Variants in TRMT9B observed in about 807,000 individuals in gnomAD.
The protein encoded by TRMT9B is tRNA methyltransferase 9B (putative), also known as probable tRNA methyltransferase 9B.
Under a neutral mutation model 11.5 loss-of-function variants are expected in TRMT9B, and 16 were observed. That is an observed-to-expected ratio of 1.39 (90% confidence interval 0.94 to 2.11). The LOEUF (loss-of-function observed/expected upper bound fraction) is 2.11, where lower values mean the gene tolerates loss of function less well. Among genes scored for constraint, TRMT9B ranks in the 30% most tolerant of loss-of-function variants. TRMT9B has a pLI of 0.00. For synonymous variants in TRMT9B, 274 were observed against 192.4 expected, an observed-to-expected ratio of 1.42 and a Z score of -3.51; for missense variants, 941 against 553.8, an observed-to-expected ratio of 1.70 and a Z score of -7.02.
chr8:12,988,897 C>G (rs1473633627), intron 1 of TRMT9B, among the ~76,000 whole-genome samples: 2 of 145,670 alleles, frequency 1.4e-5, no homozygotes, highest in Non-Finnish European at 3.1e-5. Flanking sequence ...TGTATCCATC[C>G]CAGAAGTAAA....
intron 1 of TRMT9B, among the ~76,000 whole-genome samples, chr8:12,975,428 A>C (rs1477829072): frequency 6.6e-6 from 1 of 152,114 alleles, no homozygotes. Context: ...GGAAAGAAAA[A>C]AAAAAGCTTT....
intron 2 of TRMT9B, among the ~76,000 whole-genome samples, chr8:12,996,178 T>A (rs780746174): frequency 4.4e-4 from 67 of 152,226 alleles, no homozygotes; most frequent in Non-Finnish European, 6.9e-4. Flanking sequence ...GTTGTGCTAC[T>A]TGGAAGCTGT....
chr8:12,976,895 C>G (rs1804545885), intron 1 of TRMT9B, among the ~76,000 whole-genome samples: 1 of 152,118 alleles, frequency 6.6e-6, no homozygotes, highest in Non-Finnish European at 1.5e-5. Context: ...CAACCCAGAC[C>G]TATCTGGGAG....
chr8:12,973,151 G>A (rs1237291978), intron 1 of TRMT9B, among the ~76,000 whole-genome samples: 6 of 152,262 alleles, frequency 3.9e-5, no homozygotes, highest in East Asian at 3.9e-4. Flanking sequence ...CGTGTTTGTG[G>A]CATGTGTCAG....
rs974586013 is a variant in TRMT9B, at chr8:13,028,183, G to A, written c.*6139G>A. The stretch of plus-strand genomic sequence containing the variant: ...CACATACTCTGTCCTCTTGTGGTGC[G>A]GGTCTTCCCCAGTTGATTATACACA... On this transcript the variant is annotated 3_prime_UTR_variant, in exon 5 of 5. Transcript: ENST00000524591. 1.2e-5 allele frequency: 2 copies of A among 167,024 alleles called. No homozygotes were observed. Among genetic ancestry groups the A allele is most frequent in the Non-Finnish European group, 1.5e-5 (1 of 68,122 alleles). 10.3% of individuals were successfully genotyped at this position (167,024 alleles called of 1,614,324 possible).
At position 13,028,014 on chromosome 8, in the gene TRMT9B, A is replaced by G. The variant is rs1330369012; in HGVS notation, c.*5970A>G. The G allele has an allele frequency of 6.0e-6, 1 of 167,010 alleles. No homozygotes were observed. The highest frequency in any genetic ancestry group is 1.5e-5 in the Non-Finnish European group (1 of 68,118). 10.3% of individuals were successfully genotyped at this position (167,010 alleles called of 1,614,324 possible). A position where few individuals can be genotyped will look rare whatever the true frequency, so the allele number is the denominator to read the frequency against. On this transcript the variant is annotated 3_prime_UTR_variant, in exon 5 of 5. Transcript: ENST00000524591. Reference sequence around the variant, plus strand: ...AAGGATTGAAATTGTATTGCAAATGAAAGAGCTCAGCATGAGAGCACAATC... The same window carrying G: ...AAGGATTGAAATTGTATTGCAAATGGAAGAGCTCAGCATGAGAGCACAATC...
At chr8:12,979,291 C>G (rs575813969) in intron 1 of TRMT9B, among the ~76,000 whole-genome samples, 7 of 152,208 alleles carry the variant, frequency 4.6e-5, no homozygotes, top group African/African-American at 1.7e-4. Flanking sequence ...GCTGTGAATT[C>G]AAGTAATTTG....
In TRMT9B at chr8:13,018,098, TA is replaced by T. The variant is rs372443756; in HGVS notation, c.329-2892del. On this transcript the variant is annotated intron_variant, in intron 4 of 4. Coordinates refer to ENST00000524591, the MANE Select transcript of TRMT9B (RefSeq NM_020844.3). Reference sequence around the variant, plus strand: ...ATAAATGAATAAATAAGGACTTTCTTAAAAAAAAAAAAAAAAAACTTGGCCA... The same window carrying T: ...ATAAATGAATAAATAAGGACTTTCTTAAAAAAAAAAAAAAAAACTTGGCCA... 5.3e-3 allele frequency among the ~76,000 whole-genome samples: 710 copies of T among 134,862 alleles called. 5 individuals are homozygous for T. The highest frequency in any genetic ancestry group is 0.018 in the African/African-American group (648 of 35,926). The allele number at this position is 134,862 out of a possible 152,430, so 88.5% of individuals were successfully genotyped here.
At chr8:12,954,090 G>C (rs1236142886) in intron 1 of TRMT9B, among the ~76,000 whole-genome samples, 2 of 152,190 alleles carry the variant, frequency 1.3e-5, no homozygotes, top group African/African-American at 4.8e-5. Context: ...AGAGTGATGT[G>C]AAATTGGGAA....
chr8:13,022,215 T>C lies in TRMT9B; in HGVS notation c.*171T>C, dbSNP rs1814079249. ...GTTTTCATTTTTGAATAAGCACAGA[T>C]TCTGGCATTGAAAGCACTTGACAAA... On this transcript the variant is annotated 3_prime_UTR_variant, in exon 5 of 5. Coordinates refer to ENST00000524591, the MANE Select transcript of TRMT9B (RefSeq NM_020844.3). The C allele has an allele frequency of 9.1e-6, 5 of 550,192 alleles. No individual in the cohort carries two copies. The highest frequency in any genetic ancestry group is 1.6e-5 in the Non-Finnish European group (5 of 310,756). The allele number at this position is 550,192 out of a possible 1,614,324, so 34.1% of individuals were successfully genotyped here.
At chr8:13,016,758 C>A (rs565729805) in intron 4 of TRMT9B, among the ~76,000 whole-genome samples, 9 of 151,048 alleles carry the variant, frequency 6.0e-5, no homozygotes, top group Non-Finnish European at 8.8e-5. Flanking sequence ...TTGCTCCTTC[C>A]CCCTTTCCCC....
At chr8:12,984,336 G>A (rs527995079) in intron 1 of TRMT9B, among the ~76,000 whole-genome samples, 2 of 152,308 alleles carry the variant, frequency 1.3e-5, no homozygotes, top group Admixed American at 1.3e-4. Context: ...AACCCCATGA[G>A]TGCCTCTTTG....
intron 4 of TRMT9B, 21 bp from the exon 5 acceptor site, chr8:13,020,987 A>G: frequency 2.0e-6 from 3 of 1,483,698 alleles, no homozygotes; most frequent in South Asian, 1.4e-5. Flanking sequence ...ACACACTGAG[A>G]TCTAGTTTTG....
At chr8:12,953,591 G>T (rs1800922981) in intron 1 of TRMT9B, among the ~76,000 whole-genome samples, 1 of 152,174 alleles carries the variant, frequency 6.6e-6, no homozygotes, top group Non-Finnish European at 1.5e-5. Context: ...GACCTCAAAT[G>T]ATCCACCCAC....
At chr8:12,970,484 G>T (rs1803446846) in intron 1 of TRMT9B, among the ~76,000 whole-genome samples, 1 of 152,122 alleles carries the variant, frequency 6.6e-6, no homozygotes, top group Non-Finnish European at 1.5e-5. Context: ...AGGGCCTCTT[G>T]GTAAACGTGG....
rs149384309 is a variant in TRMT9B at position 13,023,811 on chromosome 8, T to G, written c.*1767T>G. On this transcript the variant is annotated 3_prime_UTR_variant, in exon 5 of 5. Transcript: ENST00000524591. ...TAACTTAAAATAATGATGTTACTTT[T>G]GAACAAACTTAAAGAAATATTTTTA... The G allele has an allele frequency of 2.1e-3, 354 of 166,712 alleles. 1 individual carries two copies. Among genetic ancestry groups the G allele is most frequent in the African/African-American group, 8.0e-3 (332 of 41,572 alleles). 10.3% of individuals were successfully genotyped at this position (166,712 alleles called of 1,614,324 possible).
chr8:13,011,633 C>G (rs920699447), intron 3 of TRMT9B: 2 of 973,548 alleles, frequency 2.1e-6, no homozygotes, highest in African/African-American at 3.5e-5. Flanking sequence ...CATGTTACTA[C>G]CTACCTCAAT....
Position 12,983,256 on chromosome 8 carries a change from A to G in TRMT9B, c.-199-7578A>G, listed in dbSNP as rs897415556. Among the ~76,000 whole-genome samples the G allele has an allele frequency of 7.8e-4, 118 of 152,234 alleles. 1 individual carries two copies. The highest frequency in any genetic ancestry group is 2.8e-3 in the African/African-American group (115 of 41,456). ...GGTGCAATGGGCTTATTTAAGGACTAGAGCAGTGTGCAGCCATAACACAAG... is the reference window on the plus strand; with the variant it reads ...GGTGCAATGGGCTTATTTAAGGACTGGAGCAGTGTGCAGCCATAACACAAG... On this transcript the variant is annotated intron_variant, in intron 1 of 4. Transcript: ENST00000524591.
At chr8:12,977,691 C>G (rs575925510) in intron 1 of TRMT9B, among the ~76,000 whole-genome samples, 32 of 151,996 alleles carry the variant, frequency 2.1e-4, no homozygotes, top group African/African-American at 7.5e-4. Flanking sequence ...CAGAGCAAGA[C>G]TCTGTCTCAA....
Sources: gnomAD v4.1 joint callset for allele counts (sites outside exome capture counted in the v4.1 genomes callset) on GRCh38, gnomAD v4.1.1 for gene constraint, MANE v1.5 for transcripts, NCBI Gene and HGNC (gene_info 2026-07-23, HGNC 2026-07-21) for gene names.